Variants in DPH6 observed in about 807,000 individuals in gnomAD.
The protein encoded by DPH6 is diphthamine biosynthesis 6, also known as diphthine--ammonia ligase.
DPH6 carries 33 observed loss-of-function variants against 38.2 expected under a neutral mutation model. The observed-to-expected ratio is 0.86, with a 90% CI of 0.65 to 1.15. The LOEUF (loss-of-function observed/expected upper bound fraction) is 1.15. Among genes scored for constraint, DPH6 ranks in the 50% most tolerant of loss-of-function variants. The pLI is 0.00. For synonymous variants in DPH6, 108 were observed against 103.0 expected (o/e 1.05, Z -0.30); for missense variants, 325 against 320.0 (o/e 1.02, Z -0.12).
At chr15:35,353,192 T>C (rs895302559) in intron 3 of DPH6, among the ~76,000 whole-genome samples, 16 of 152,216 alleles carry the variant, frequency 1.1e-4, no homozygotes, top group Admixed American at 6.5e-4. Flanking sequence ...CTTTGTCAGA[T>C]GAGTAGATTG....
intron 3 of DPH6, among the ~76,000 whole-genome samples, chr15:35,281,815 G>A (rs754744484): frequency 6.6e-6 from 1 of 152,184 alleles, no homozygotes; most frequent in South Asian, 2.1e-4. Context: ...GATATCTACC[G>A]TAGATACCTC....
At chr15:35,237,326 A>G (rs2051560362) in intron 3 of DPH6, 1 of 1,589,804 alleles carries the variant, frequency 6.3e-7, no homozygotes, top group Non-Finnish European at 8.6e-7. Context: ...AACGCGAGAG[A>G]TGAAGATGGG....
chr15:35,362,024 A>AT (rs1420936342), intron 3 of DPH6, among the ~76,000 whole-genome samples: 5 of 151,808 alleles, frequency 3.3e-5, no homozygotes. Flanking sequence ...TATTTGTTAC[A>AT]TTTTTTGCAT....
At chr15:35,441,388 T>C (rs1425793510) in intron 5 of DPH6, among the ~76,000 whole-genome samples, 1 of 152,168 alleles carries the variant, frequency 6.6e-6, no homozygotes, top group Non-Finnish European at 1.5e-5. Context: ...CTATTCACAG[T>C]AACAAAGACT....
At chr15:35,479,527 G>T (rs2054301816) in intron 3 of DPH6, among the ~76,000 whole-genome samples, 2 of 152,046 alleles carry the variant, frequency 1.3e-5, no homozygotes, top group African/African-American at 4.8e-5. Context: ...TTAAAGTTAG[G>T]TTAAGACTCC....
intron 3 of DPH6, among the ~76,000 whole-genome samples, chr15:35,363,695 GCTTA>G (rs2052633019): frequency 1.3e-5 from 2 of 151,862 alleles, no homozygotes; most frequent in Admixed American, 1.3e-4. Context: ...GTTTATTTTA[GCTTA>G]CTGTTTTGCC....
At chr15:35,326,719 A>T (rs1163020154), downstream of DPH6, among the ~76,000 whole-genome samples, 1 of 152,138 alleles carries the variant, frequency 6.6e-6, no homozygotes, top group Admixed American at 6.5e-5. Context: ...TACAGGCATG[A>T]GCCACCATGC....
At chr15:35,471,758 A>T (rs900972504) in intron 3 of DPH6, among the ~76,000 whole-genome samples, 6 of 152,024 alleles carry the variant, frequency 3.9e-5, no homozygotes, top group Non-Finnish European at 8.8e-5. Flanking sequence ...GATCAGAAGT[A>T]AGCTCTCTCT....
chr15:35,263,474 T>C (rs936943788), intron 3 of DPH6, among the ~76,000 whole-genome samples: 1 of 145,896 alleles, frequency 6.9e-6, no homozygotes, highest in African/African-American at 2.5e-5. Flanking sequence ...GGCATGATCA[T>C]AGCTCACTGC....
chr15:35,525,433 C>T (rs73382785), intron 3 of DPH6, among the ~76,000 whole-genome samples: 14,162 of 152,078 alleles, frequency 0.093, 910 homozygotes, highest in African/African-American at 0.18. Context: ...CAGGATCTAC[C>T]TCATGTGACT....
At chr15:35,208,154 T>C in the DPH6 span, among the ~76,000 whole-genome samples, 1 of 152,204 alleles carries the variant, frequency 6.6e-6, no homozygotes, top group African/African-American at 2.4e-5. Context: ...AATTTGAAAT[T>C]TTATATCATT....
chr15:35,213,359 G>A (rs1595431233), downstream of DPH6, among the ~76,000 whole-genome samples: 2 of 152,300 alleles, frequency 1.3e-5, no homozygotes, highest in East Asian at 3.9e-4. Flanking sequence ...AGCAAATTAA[G>A]TCCATAAATA....
intron 6 of DPH6, among the ~76,000 whole-genome samples, chr15:35,382,385 G>A (rs1298882317): frequency 1.3e-5 from 2 of 152,290 alleles, no homozygotes; most frequent in Non-Finnish European, 2.9e-5. Flanking sequence ...AGCCGAGTTT[G>A]CAGTGAGCCG....
chr15:35,472,748 A>AT (rs1019314773), intron 3 of DPH6, among the ~76,000 whole-genome samples: 3 of 152,124 alleles, frequency 2.0e-5, no homozygotes, highest in Non-Finnish European at 4.4e-5. Flanking sequence ...CCAACAGACT[A>AT]TTTTTTCACT....
intron 3 of DPH6, among the ~76,000 whole-genome samples, chr15:35,290,768 CAGA>C (rs1223188294): frequency 5.9e-5 from 9 of 151,796 alleles, no homozygotes; most frequent in Admixed American, 5.9e-4. Context: ...TGTTTGTTGC[CAGA>C]AGGTTAGGAT....
At chr15:35,510,514 T>A (rs78485699) in intron 3 of DPH6, among the ~76,000 whole-genome samples, 4,819 of 152,294 alleles carry the variant, frequency 0.032, 119 homozygotes, top group Middle Eastern at 0.048. Context: ...GTAATTCATT[T>A]TAATTCAGTT....
intron 3 of DPH6, among the ~76,000 whole-genome samples, chr15:35,281,102 C>T (rs1302381702): frequency 1.3e-5 from 2 of 151,836 alleles, no homozygotes; most frequent in African/African-American, 2.4e-5. Flanking sequence ...TATCTCTCCC[C>T]CCTCCCCCCA....
intron 6 of DPH6, among the ~76,000 whole-genome samples, chr15:35,402,853 G>T (rs2053238990): frequency 6.6e-6 from 1 of 151,858 alleles, no homozygotes; most frequent in Non-Finnish European, 1.5e-5. Flanking sequence ...TATTTTTAAT[G>T]ATTTAGAAAA....
chr15:35,184,447 A>G, the DPH6 span, among the ~76,000 whole-genome samples: 1 of 152,222 alleles, frequency 6.6e-6, no homozygotes. Context: ...CAAAGCCTGT[A>G]GCAGAGCTAA....
Sources: allele counts gnomAD v4.1 joint callset (sites outside exome capture counted in the v4.1 genomes callset), GRCh38; gene constraint gnomAD v4.1.1; transcripts MANE v1.5; gene names NCBI Gene and HGNC (gene_info 2026-07-23, HGNC 2026-07-21).